The following ATP2C1 variants were observed in gnomAD, a reference collection of about 807,000 sequenced individuals.
ATP2C1 encodes ATPase secretory pathway Ca2+ transporting 1.
ATP2C1 carries 31 observed loss-of-function variants against 120.5 expected under a neutral mutation model. The ratio of observed to expected loss-of-function variants is 0.26; its 90% CI spans 0.19 to 0.35. ATP2C1 has a LOEUF of 0.35. Ranked by LOEUF, ATP2C1 falls within the 10% of genes least tolerant of loss-of-function variation. The pLI is 1.00. For missense variants in ATP2C1, 731 were observed against 1,107.5 expected, an observed-to-expected ratio of 0.66 and a Z score of 4.83; for synonymous variants, 351 against 358.7, an observed-to-expected ratio of 0.98 and a Z score of 0.24.
At chr3:130,969,613 C>T (rs993487524) in intron 17 of ATP2C1, among the ~76,000 whole-genome samples, 2 of 152,154 alleles carry the variant, frequency 1.3e-5, no homozygotes, top group Non-Finnish European at 1.5e-5. Context: ...GGAGTTGCTG[C>T]TGTGTGAGCA....
intron 1 of ATP2C1, among the ~76,000 whole-genome samples, chr3:130,882,404 T>C (rs1201497085): frequency 6.6e-6 from 1 of 152,118 alleles, no homozygotes; most frequent in African/African-American, 2.4e-5. Context: ...TTTCACCATG[T>C]TGGCCAGGCT....
At chr3:130,886,731 A>C (rs950813917) in intron 1 of ATP2C1, among the ~76,000 whole-genome samples, 1 of 152,168 alleles carries the variant, frequency 6.6e-6, no homozygotes, top group African/African-American at 2.4e-5. Context: ...ATCTGATAAA[A>C]TTCTGAATTT....
At chr3:131,014,365 G>C (rs1248307045) in intron 26 of ATP2C1, 2 of 1,604,736 alleles carry the variant, frequency 1.2e-6, no homozygotes, top group Non-Finnish European at 8.5e-7. Flanking sequence ...CATAGTCCGT[G>C]CACCAGGCTT....
At chr3:130,975,559 G>C (rs1344746655) in intron 18 of ATP2C1, 71 bp downstream of exon 18, 1 of 1,515,870 alleles carries the variant, frequency 6.6e-7, no homozygotes, top group Non-Finnish European at 9.0e-7. Flanking sequence ...ATGAATTCAT[G>C]CTTCACATTT....
chr3:130,855,677 A>G (rs932741292), intron 1 of ATP2C1, among the ~76,000 whole-genome samples: 1 of 152,176 alleles, frequency 6.6e-6, no homozygotes, highest in Non-Finnish European at 1.5e-5. Flanking sequence ...GAAAAAGGCC[A>G]TATGAGAAAA....
Position 130,894,125 on chromosome 3 carries a change from CG to C in ATP2C1, c.-390del. On this transcript the variant is annotated 5_prime_UTR_variant, in exon 1 of 28. Transcript: ENST00000510168. The surrounding 1 kb of genome is among the most constrained non-coding windows in gnomAD (Gnocchi z 4.5). Reference sequence around the variant, plus strand: ...GCGGAGCCGGCCCGGCGGACCGTGACGGGTCCCCTCACCTCCTCTTCTCTCC... The same window carrying C: ...GCGGAGCCGGCCCGGCGGACCGTGACGGTCCCCTCACCTCCTCTTCTCTCC... 1.0e-6 allele frequency: 1 copy of C among 965,182 alleles called. No homozygotes were observed. The highest frequency in any genetic ancestry group is 1.2e-6 in the Non-Finnish European group (1 of 811,574). 59.8% of individuals were successfully genotyped at this position (965,182 alleles called of 1,614,324 possible).
Position 130,883,945 on chromosome 3 carries a change from C to CTTTT in ATP2C1, c.108+33030_108+33033dup, listed in dbSNP as rs35365168. ...TTTCTTTCTTTCTTTTTCTTTTCTT[C>CTTTT]TTTTTTTTTTTTTTTTGATAGAGTC... On this transcript the variant is annotated intron_variant, in intron 1 of 26. Coordinates refer to the ATP2C1 transcript ENST00000504381. Among the ~76,000 whole-genome samples, 379 of 122,404 alleles carry CTTTT rather than the reference C, an allele frequency of 3.1e-3. 5 individuals are homozygous for CTTTT. The highest frequency in any genetic ancestry group is 8.6e-3 in the South Asian group (32 of 3,700). The allele number at this position is 122,404 out of a possible 152,430, so 80.3% of individuals were successfully genotyped here. A position where few individuals can be genotyped will look rare whatever the true frequency, so the allele number is the denominator to read the frequency against.
intron 10 of ATP2C1, 65 bp from the exon 11 acceptor site, chr3:130,956,039 C>T: frequency 2.7e-6 from 3 of 1,114,452 alleles, no homozygotes; most frequent in East Asian, 2.4e-5. Context: ...TAGCAAGCCC[C>T]TGGCACTTGA....
intron 1 of ATP2C1, among the ~76,000 whole-genome samples, chr3:130,875,331 C>T (rs1217856185): frequency 6.6e-6 from 1 of 152,164 alleles, no homozygotes; most frequent in African/African-American, 2.4e-5. Context: ...CTATTTACTT[C>T]TATGAGTTCA....
At chr3:130,957,387 GTTAA>G (rs1381925237) in intron 11 of ATP2C1, among the ~76,000 whole-genome samples, 3 of 152,062 alleles carry the variant, frequency 2.0e-5, no homozygotes, top group Non-Finnish European at 2.9e-5. Flanking sequence ...TTTTACTCAA[GTTAA>G]TTATCCCATT....
intron 8 of ATP2C1, among the ~76,000 whole-genome samples, chr3:130,948,818 C>G (rs534551754): frequency 1.3e-5 from 2 of 152,246 alleles, no homozygotes; most frequent in South Asian, 4.1e-4. Flanking sequence ...TGGTAATTCT[C>G]ACAGTATTTC....
chr3:130,865,182 T>C (rs1370295483), intron 1 of ATP2C1, among the ~76,000 whole-genome samples: 1 of 152,218 alleles, frequency 6.6e-6, no homozygotes, highest in Non-Finnish European at 1.5e-5. Context: ...GAGATCATTC[T>C]GGAGCTTTAA....
At chr3:130,931,366 A>T (rs903924184) in intron 3 of ATP2C1, among the ~76,000 whole-genome samples, 1 of 152,126 alleles carries the variant, frequency 6.6e-6, no homozygotes, top group Non-Finnish European at 1.5e-5. Flanking sequence ...TTCCAAGAAG[A>T]AGTTCATCTG....
At chr3:130,905,172 C>G (rs1223819319) in intron 2 of ATP2C1, among the ~76,000 whole-genome samples, 2 of 151,978 alleles carry the variant, frequency 1.3e-5, no homozygotes, top group Non-Finnish European at 2.9e-5. Context: ...CAGGTGTGCT[C>G]CATGCTACTG....
At chr3:130,968,968 G>A (rs1457500208) in intron 16 of ATP2C1, among the ~76,000 whole-genome samples, 4 of 152,046 alleles carry the variant, frequency 2.6e-5, no homozygotes, top group African/African-American at 7.2e-5. Flanking sequence ...CTCAGAATTG[G>A]TTGGGTACTT....
At chr3:130,915,334 TC>T (rs1482938085) in intron 2 of ATP2C1, among the ~76,000 whole-genome samples, 3 of 152,104 alleles carry the variant, frequency 2.0e-5, no homozygotes, top group Non-Finnish European at 4.4e-5. Flanking sequence ...CCTCAAGTGA[TC>T]CACCCGCCTC....
chr3:130,854,875 A>G (rs1005662941), intron 1 of ATP2C1, among the ~76,000 whole-genome samples: 1 of 152,198 alleles, frequency 6.6e-6, no homozygotes, highest in Non-Finnish European at 1.5e-5. Flanking sequence ...CCTTGCATCC[A>G]ATCATCTACT....
At chr3:130,866,096 A>C (rs1482721368) in intron 1 of ATP2C1, among the ~76,000 whole-genome samples, 1 of 152,220 alleles carries the variant, frequency 6.6e-6, no homozygotes. Flanking sequence ...CAGTGCTTAC[A>C]ATTCTGTTCT....
chr3:130,960,620 G>A (rs1322694279), intron 12 of ATP2C1, among the ~76,000 whole-genome samples: 1 of 152,144 alleles, frequency 6.6e-6, no homozygotes, highest in Admixed American at 6.6e-5. Context: ...TAGGTGAACA[G>A]AACTAGAGTT....
Sources: allele counts gnomAD v4.1 joint callset (sites outside exome capture counted in the v4.1 genomes callset), GRCh38; gene constraint gnomAD v4.1.1; non-coding constraint Gnocchi (gnomAD v3.1); transcripts MANE v1.5; gene names NCBI Gene and HGNC (gene_info 2026-07-23, HGNC 2026-07-21).